FLNC: variants seen among roughly 807,000 people sequenced by gnomAD.
The protein encoded by FLNC is filamin C, also known as filamin-C.
FLNC carries 91 observed loss-of-function variants against 254.3 expected under a neutral mutation model. That is an observed-to-expected ratio of 0.36 (90% CI 0.30 to 0.43). The LOEUF is 0.43. Among genes scored for constraint, FLNC ranks in the 20% least tolerant of loss-of-function variants. FLNC has a pLI of 1.00. For synonymous variants in FLNC, 1,430 were observed against 1,577.2 expected, an observed-to-expected ratio of 0.91 and a Z score of 2.21; for missense variants, 2,853 against 3,802.6, an observed-to-expected ratio of 0.75 and a Z score of 6.57.
chr7:128,856,522 C>T lies in FLNC; in HGVS notation c.7256C>T (p.Thr2419Met), dbSNP rs199768217. 1.0e-4 allele frequency: 163 copies of T among 1,612,104 alleles called. 1 individual carries two copies. In the South Asian group the frequency reaches 1.2e-3, roughly 12 times the overall value. ...CATCCTCCGTGGCCTTTGCAGGAGA[C>T]GGGGCTCAAGGTGAACCAGCCAGCG... The part of the protein sequence containing the change: ...RRLTVTSLQE[T>M]GLKVNQPASF... The change falls in exon 44 of 48, where the codon ACG (threonine) becomes ATG (methionine). Residue 2419 changes from threonine (T) to methionine (M), a missense_variant. By Grantham distance (81) the Thr-to-Met change is moderately conservative. This residue lies in a region of FLNC where 551 missense variants were observed against 835.0 expected (regional missense o/e 0.66). Transcript: ENST00000325888. This position sits in a 1 kb window ranked among gnomAD's most constrained non-coding sequence, Gnocchi z 5.9.
rs1305665823 is a variant in FLNC at position 128,837,380 on chromosome 7, C to G, written c.700-18C>G. ...GGGAAAAGAGGGCGCCATGTGACAT[C>G]ACTCCTTTCCATCGCAGGTCATTGC... On this transcript the variant is annotated intron_variant, in intron 3 of 47. Coordinates refer to ENST00000325888, the MANE Select transcript of FLNC (RefSeq NM_001458.5). The G allele has an allele frequency of 1.1e-5, 17 of 1,614,006 alleles. No homozygotes were observed. The highest frequency in any genetic ancestry group is 1.4e-5 in the Non-Finnish European group (17 of 1,179,996).
At position 128,830,964 on chromosome 7, in the gene FLNC, C is replaced by A; in HGVS notation, c.327C>A (p.Arg109=). The A allele has an allele frequency of 6.2e-7, 1 of 1,609,684 alleles. No individual in the cohort carries two copies. ...NVSVALEFLE[R]EHIKLVSIDS... is the part of the protein sequence containing the mutation. ...CCGTGGCCCTCGAGTTCCTCGAGCG[C>A]GAGCACATCAAGCTCGTGTCCATAG... Residue 109 remains arginine, a synonymous_variant, in exon 1 of 48, where the codon CGC becomes CGA. Transcript: ENST00000325888.
chr7:128,855,352 C>A, intron 43 of FLNC, 38 bp downstream of exon 43: 1 of 1,322,030 alleles, frequency 7.6e-7, no homozygotes, highest in Non-Finnish European at 1.1e-6. Flanking sequence ...TTTCTGCTAT[C>A]TGAGAGATGG....
At chr7:128,849,088 T>C (rs1808695339) in intron 28 of FLNC, 93 bp from the exon 29 acceptor site, 3 of 1,585,520 alleles carry the variant, frequency 1.9e-6, no homozygotes, top group Admixed American at 3.4e-5. Flanking sequence ...AGAGCACACA[T>C]GCCCTAGCCC....
chr7:128,837,292 C>T (rs367579987), intron 3 of FLNC, 35 bp downstream of exon 3: 1 of 1,553,626 alleles, frequency 6.4e-7, no homozygotes, highest in African/African-American at 1.4e-5. Flanking sequence ...GGAAAGGGGG[C>T]AGGGGCAGAG....
rs1808342294 is a variant in FLNC at position 128,841,701 on chromosome 7, T to C, written c.2121+134T>C. 2 of 750,422 alleles carry C rather than the reference T, an allele frequency of 2.7e-6. No homozygotes were observed. The highest frequency in any genetic ancestry group is 2.6e-5 in the East Asian group (1 of 38,844). The allele number at this position is 750,422 out of a possible 1,614,324, so 46.5% of individuals were successfully genotyped here. A position where few individuals can be genotyped will look rare whatever the true frequency, so the allele number is the denominator to read the frequency against. ...GAAGATCAGGCAGGACTGATACTCA[T>C]GGGCCCATCAGTACCATGGAAAATT... On this transcript the variant is annotated intron_variant, in intron 13 of 47. Coordinates refer to ENST00000325888, the MANE Select transcript of FLNC (RefSeq NM_001458.5). The surrounding 1 kb of genome is among the most constrained non-coding windows in gnomAD (Gnocchi z 4.3).
In FLNC at chr7:128,841,045, G is replaced by A; in HGVS notation, c.1813+75G>A. ...GGGGACACTGTGGGTAATGGGTGCA[G>A]TGCGCATGCTGGGGAGCGCTGGGGT... On this transcript the variant is annotated intron_variant, in intron 11 of 47. Coordinates refer to ENST00000325888, the MANE Select transcript of FLNC (RefSeq NM_001458.5). This position sits in a 1 kb window ranked among gnomAD's most constrained non-coding sequence, Gnocchi z 4.3. 1.9e-6 allele frequency: 3 copies of A among 1,565,442 alleles called. No homozygotes were observed. Among genetic ancestry groups the A allele is most frequent in the South Asian group, 1.1e-5 (1 of 88,634 alleles).
intron 23 of FLNC, 80 bp from the exon 24 acceptor site, chr7:128,846,665 C>T: frequency 4.1e-6 from 6 of 1,476,188 alleles, no homozygotes; most frequent in South Asian, 1.2e-5. Flanking sequence ...GCCCTCTTTC[C>T]TCCCTGTCCC....
chr7:128,845,161 G>A lies in FLNC; in HGVS notation c.3696G>A (p.Gly1232=), dbSNP rs1057066602. The change falls in exon 21 of 48, where the codon GGG becomes GGA. Residue 1232 remains glycine, a synonymous_variant. Transcript: ENST00000325888. ...GTYTITIKYG[G]HPVPKFPTRV... is the part of the protein sequence containing the mutation. The stretch of plus-strand genomic sequence containing the variant: ...ACACCATTACCATCAAGTATGGCGG[G>A]CATCCCGTGCCCAAATTCCCCACCC... 3.7e-6 allele frequency: 6 copies of A among 1,613,838 alleles called. No individual in the cohort carries two copies. The African/African-American group carries it at 8.0e-5, about 22-fold the overall frequency.
chr7:128,855,294 C>T lies in FLNC; in HGVS notation c.7231C>T (p.Leu2411Phe), dbSNP rs1186398123. The T allele has an allele frequency of 6.2e-7, 1 of 1,612,284 alleles. No individual in the cohort carries two copies. The highest frequency in any genetic ancestry group is 8.5e-7 in the Non-Finnish European group (1 of 1,178,668). ...VASLSDDARR[L>F]TVTSLQETGL... ...CTCCCTCTCGGATGACGCTCGCCGTCTCACTGTCACCAGCCTCCAGGTTTG... is the reference window on the plus strand; with the variant it reads ...CTCCCTCTCGGATGACGCTCGCCGTTTCACTGTCACCAGCCTCCAGGTTTG... Residue 2411 changes from leucine (L) to phenylalanine (F), a missense_variant, in exon 43 of 48, where the codon CTC becomes TTC. Transcript: ENST00000325888.
chr7:128,851,210 C>T (rs1027289558), intron 33 of FLNC, 22 bp from the exon 34 acceptor site: 2 of 1,613,732 alleles, frequency 1.2e-6, no homozygotes, highest in African/African-American at 2.7e-5. Flanking sequence ...TGACCCAGCC[C>T]CCTTTTTCTC....
At chr7:128,838,215 C>T in intron 6 of FLNC, 52 bp from the exon 7 acceptor site, 2 of 1,587,730 alleles carry the variant, frequency 1.3e-6, no homozygotes, top group Non-Finnish European at 1.7e-6. Context: ...CCCTCTGCCC[C>T]CTCTCAGGAC....
chr7:128,837,377 C>T, intron 3 of FLNC, 21 bp from the exon 4 acceptor site: 1 of 1,613,966 alleles, frequency 6.2e-7, no homozygotes, highest in South Asian at 1.1e-5. Context: ...CGCCATGTGA[C>T]ATCACTCCTT....
chr7:128,845,794 T>A lies in FLNC; in HGVS notation c.3791-196T>A, dbSNP rs150888945. 9.5e-3 allele frequency among the ~76,000 whole-genome samples: 389 copies of A among 40,952 alleles called. 5 individuals are homozygous for A. Among genetic ancestry groups the A allele is most frequent in the African/African-American group, 0.031 (372 of 12,110 alleles). The allele number at this position is 40,952 out of a possible 152,430, so 26.9% of individuals were successfully genotyped here. On this transcript the variant is annotated intron_variant, in intron 21 of 47. Coordinates refer to ENST00000325888, the MANE Select transcript of FLNC (RefSeq NM_001458.5). ...GAGCTCACAGAGGTGCAGGGGAGGG[T>A]GTGGGGCCCAGGCTCCGATTAGAGG...
chr7:128,853,865 G>A (rs1808930960), intron 39 of FLNC, 28 bp downstream of exon 39: 1 of 1,613,264 alleles, frequency 6.2e-7, no homozygotes, highest in Non-Finnish European at 8.5e-7. Flanking sequence ...CCTGGGTGGG[G>A]CGGGTGGTGG....
At position 128,854,499 on chromosome 7, in the gene FLNC, A is replaced by G; in HGVS notation, c.6814A>G (p.Ser2272Gly). The G allele has an allele frequency of 1.2e-6, 2 of 1,604,824 alleles. No homozygotes were observed. The highest frequency in any genetic ancestry group is 3.4e-5 in the Admixed American group (2 of 58,328). The change falls in exon 41 of 48, where the codon AGC becomes GGC. Residue 2272 changes from serine (S) to glycine (G), a missense_variant. By Grantham distance (56) the Ser-to-Gly change is moderately conservative. Transcript: ENST00000325888. The part of the protein sequence containing the change: ...EAAEIVEGED[S>G]AYSVRFVPQE... Reference sequence around the variant, plus strand: ...CGCAGAGATCGTCGAGGGCGAGGACAGCGCCTACAGCGTGCGCTTTGTGCC... The same window carrying G: ...CGCAGAGATCGTCGAGGGCGAGGACGGCGCCTACAGCGTGCGCTTTGTGCC...
intron 40 of FLNC, 62 bp downstream of exon 40, chr7:128,854,278 AG>A: frequency 6.2e-7 from 1 of 1,605,566 alleles, no homozygotes; most frequent in Admixed American, 1.7e-5. Flanking sequence ...GCTGCGGACC[AG>A]GCTTGATGCT....
chr7:128,837,521 C>A lies in FLNC; in HGVS notation c.823C>A (p.Pro275Thr). The change falls in exon 4 of 48, where the codon CCC becomes ACC. Residue 275 changes from proline to threonine, a missense_variant. Pro to Thr is a conservative substitution (Grantham distance 38). Transcript: ENST00000325888. Reference sequence around the variant, plus strand: ...CCCTGTTCGATCCAAGCAGCTGAACCCCAAGAAAGCCATCGCCTATGGGCC... The same window carrying A: ...CCCTGTTCGATCCAAGCAGCTGAACACCAAGAAAGCCATCGCCTATGGGCC... ...GAPVRSKQLN[P>T]KKAIAYGPGI... 2 of 1,614,180 alleles carry A rather than the reference C, an allele frequency of 1.2e-6. No homozygotes were observed. The highest frequency in any genetic ancestry group is 2.2e-5 in the South Asian group (2 of 91,090).
chr7:128,837,522 C>T lies in FLNC; in HGVS notation c.824C>T (p.Pro275Leu), dbSNP rs1249075788. The change falls in exon 4 of 48, where the codon CCC (proline) becomes CTC (leucine). Residue 275 changes from proline (P) to leucine (L), a missense_variant. Coordinates refer to ENST00000325888, the MANE Select transcript of FLNC (RefSeq NM_001458.5). The part of the protein sequence containing the change: ...GAPVRSKQLN[P>L]KKAIAYGPGI... ...CCTGTTCGATCCAAGCAGCTGAACC[C>T]CAAGAAAGCCATCGCCTATGGGCCT... is the stretch of plus-strand genomic sequence containing the variant. 1.9e-6 allele frequency: 3 copies of T among 1,614,190 alleles called. No homozygotes were observed. The highest frequency in any genetic ancestry group is 2.2e-5 in the East Asian group (1 of 44,892).
Sources: allele counts gnomAD v4.1 joint callset (sites outside exome capture counted in the v4.1 genomes callset), GRCh38; gene constraint gnomAD v4.1.1; regional missense constraint gnomAD v4.1.1; non-coding constraint Gnocchi (gnomAD v3.1); transcripts MANE v1.5; gene names NCBI Gene and HGNC (gene_info 2026-07-23, HGNC 2026-07-21).